The following KIF18A variants were observed in gnomAD, a reference collection of about 807,000 sequenced individuals.
KIF18A encodes kinesin-like protein KIF18A.
A neutral mutation model predicts 103.3 loss-of-function variants in KIF18A; 67 were observed. The ratio of observed to expected loss-of-function variants is 0.65; its 90% CI spans 0.53 to 0.79. The LOEUF (loss-of-function observed/expected upper bound fraction) is 0.79. Ranked by LOEUF, KIF18A falls within the 30% of genes least tolerant of loss-of-function variation. The probability of loss-of-function intolerance (pLI) is 0.00; values close to 1 mark genes in which losing one functional copy is unlikely to be tolerated. For synonymous variants in KIF18A, 367 were observed against 355.5 expected, an observed-to-expected ratio of 1.03 and a Z score of -0.36; for missense variants, 1,032 against 1,062.5, an observed-to-expected ratio of 0.97 and a Z score of 0.40.
chr11:28,038,835 C>T (rs566814832), intron 13 of KIF18A, among the ~76,000 whole-genome samples: 1 of 151,826 alleles, frequency 6.6e-6, no homozygotes, highest in East Asian at 1.9e-4. Context: ...TTTAACATGA[C>T]ATTTGTCAAA....
chr11:28,082,342 T>C (rs1340366178), intron 9 of KIF18A, among the ~76,000 whole-genome samples: 2 of 152,116 alleles, frequency 1.3e-5, no homozygotes, highest in East Asian at 3.9e-4. Flanking sequence ...GTAAACTTCA[T>C]TGTTGCCTTA....
At chr11:28,093,710 A>G (rs918086183) in intron 3 of KIF18A, among the ~76,000 whole-genome samples, 4 of 152,170 alleles carry the variant, frequency 2.6e-5, no homozygotes, top group African/African-American at 9.6e-5. Context: ...GGCTGATATA[A>G]TAAGGGGAAA....
At position 28,091,459 on chromosome 11, in the gene KIF18A, G is replaced by T; in HGVS notation, c.538C>A (p.Arg180=). 1 of 1,611,136 alleles carries T rather than the reference G, an allele frequency of 6.2e-7. No homozygotes were observed. The highest frequency in any genetic ancestry group is 8.5e-7 in the Non-Finnish European group (1 of 1,178,082). Residue 180 remains arginine, a synonymous_variant, in exon 4 of 17, where the codon CGG becomes AGG. Transcript: ENST00000263181. ...ACCACCCCTTTTTGGGTATCTTCCC[G>T]GACAGCAAGTGGCCCTGAATTTACT... ...LLVNSGPLAV[R]EDTQKGVVVH...
intron 3 of KIF18A, among the ~76,000 whole-genome samples, chr11:28,093,498 C>T (rs1851329454): frequency 6.6e-6 from 1 of 152,020 alleles, no homozygotes; most frequent in African/African-American, 2.4e-5. Flanking sequence ...TATTTGAATG[C>T]AAAGTTAGAG....
Position 28,082,861 on chromosome 11 carries a change from G to T in KIF18A, c.1257C>A (p.Ile419=), listed in dbSNP as rs370457263. 1.3e-6 allele frequency: 2 copies of T among 1,562,592 alleles called. No individual in the cohort carries two copies. Among genetic ancestry groups the T allele is most frequent in the South Asian group, 1.2e-5 (1 of 85,258 alleles). The change falls in exon 9 of 17, where the codon ATC becomes ATA. Residue 419 remains isoleucine, a synonymous_variant. Coordinates refer to ENST00000263181, the MANE Select transcript of KIF18A (RefSeq NM_031217.4). ...LMISNPQEKE[I]ERFQEILNCL... The stretch of plus-strand genomic sequence containing the variant: ...GATCTTAATGTAATGTTTACCTTTC[G>T]ATTTCTTTTTCCTGAGGGTTTGAAA...
chr11:28,065,904 A>C (rs994438650), intron 11 of KIF18A, among the ~76,000 whole-genome samples: 3 of 152,086 alleles, frequency 2.0e-5, no homozygotes, highest in African/African-American at 4.8e-5. Context: ...AAAATTTTTA[A>C]TGAATATACT....
chr11:28,060,306 G>A (rs1590686358), intron 12 of KIF18A, among the ~76,000 whole-genome samples: 1 of 152,218 alleles, frequency 6.6e-6, no homozygotes, highest in African/African-American at 2.4e-5. Flanking sequence ...TCATAACATC[G>A]AGGAGAAGAG....
At chr11:28,053,209 AT>A (rs1305160106) in intron 13 of KIF18A, among the ~76,000 whole-genome samples, 14 of 152,212 alleles carry the variant, frequency 9.2e-5, no homozygotes, top group African/African-American at 2.9e-4. Flanking sequence ...CACATTAGAT[AT>A]TTGATGACAT....
intron 11 of KIF18A, among the ~76,000 whole-genome samples, chr11:28,064,931 G>C (rs1439566845): frequency 6.6e-6 from 1 of 152,074 alleles, no homozygotes; most frequent in African/African-American, 2.4e-5. Context: ...AATCACAATG[G>C]AGAATTTATT....
chr11:28,097,784 TG>T lies in KIF18A; in HGVS notation c.163del (p.His55MetfsTer11). On this transcript the variant is annotated frameshift_variant, in exon 2 of 17. Transcript: ENST00000263181. LOFTEE classifies it high-confidence loss of function. ...DPKQEEVSFFHGKKTTNQNVI... is the reference protein window; with the variant it reads ...DPKQEEVSFFXGKKTTNQNVI... Reference sequence around the variant, plus strand: ...ATTTTGATTTGTAGTTTTCTTTCCATGGAAAAAACTGACTTCTTCTTGTTTG... The same window carrying T: ...ATTTTGATTTGTAGTTTTCTTTCCATGAAAAAACTGACTTCTTCTTGTTTG... The T allele has an allele frequency of 6.2e-7, 1 of 1,613,124 alleles. No homozygotes were observed. Among genetic ancestry groups the T allele is most frequent in the East Asian group, 2.2e-5 (1 of 44,822 alleles).
intron 1 of KIF18A, among the ~76,000 whole-genome samples, chr11:28,103,930 A>G (rs2133571237): frequency 6.6e-6 from 1 of 152,294 alleles, no homozygotes; most frequent in Middle Eastern, 3.4e-3. Flanking sequence ...GTGTGGTTAA[A>G]ATACTTTATT....
intron 15 of KIF18A, among the ~76,000 whole-genome samples, chr11:28,032,815 T>C (rs571436295): frequency 6.6e-6 from 1 of 151,972 alleles, no homozygotes; most frequent in South Asian, 2.1e-4. Flanking sequence ...GGACAAAGAT[T>C]TCTTGAGTAA....
rs1426125688 is a variant in KIF18A, at chr11:28,082,845, G to A, written c.1262+11C>T. On this transcript the variant is annotated intron_variant, in intron 9 of 16. Coordinates refer to ENST00000263181, the MANE Select transcript of KIF18A (RefSeq NM_031217.4). ...AAATTCCTCAAAATTAGATCTTAAT[G>A]TAATGTTTACCTTTCGATTTCTTTT... 6.8e-7 allele frequency: 1 copy of A among 1,469,952 alleles called. No homozygotes were observed. The highest frequency in any genetic ancestry group is 9.4e-7 in the Non-Finnish European group (1 of 1,068,996). The allele number at this position is 1,469,952 out of a possible 1,614,324, so 91.1% of individuals were successfully genotyped here.
chr11:28,083,656 A>G (rs940497108), intron 7 of KIF18A, among the ~76,000 whole-genome samples: 4 of 152,108 alleles, frequency 2.6e-5, no homozygotes, highest in Non-Finnish European at 4.4e-5. Context: ...TATTAAACAT[A>G]TAAATCCAAA....
intron 1 of KIF18A, among the ~76,000 whole-genome samples, chr11:28,106,066 T>C (rs1851500029): frequency 6.6e-6 from 1 of 152,228 alleles, no homozygotes; most frequent in Non-Finnish European, 1.5e-5. Flanking sequence ...ATGAAAGTAC[T>C]ATAATAAATT....
intron 13 of KIF18A, among the ~76,000 whole-genome samples, chr11:28,050,509 G>A (rs1296118892): frequency 2.0e-5 from 3 of 151,778 alleles, no homozygotes; most frequent in Non-Finnish European, 4.4e-5. Context: ...ACTTATGTGT[G>A]AACTCTATAT....
intron 13 of KIF18A, among the ~76,000 whole-genome samples, chr11:28,050,285 T>G (rs554884141): frequency 6.6e-6 from 1 of 151,932 alleles, no homozygotes. Context: ...CTTATGTACA[T>G]GGGGATGATA....
chr11:28,082,743 C>A, intron 9 of KIF18A, 113 bp downstream of exon 9: 1 of 609,462 alleles, frequency 1.6e-6, no homozygotes, highest in African/African-American at 1.9e-5. Context: ...AAATTATAAA[C>A]ATACATATCT....
chr11:28,060,709 C>T (rs1044185561), intron 12 of KIF18A, among the ~76,000 whole-genome samples: 4 of 127,624 alleles, frequency 3.1e-5, no homozygotes, highest in Non-Finnish European at 6.4e-5. Flanking sequence ...ACAAGAGTGG[C>T]TCACTGTGCT....
Sources: gnomAD v4.1 joint callset for allele counts (sites outside exome capture counted in the v4.1 genomes callset) on GRCh38, gnomAD v4.1.1 for gene constraint, MANE v1.5 for transcripts, NCBI Gene and HGNC (gene_info 2026-07-23, HGNC 2026-07-21) for gene names.